Variants in ADGRL3 observed in about 807,000 individuals in gnomAD.
ADGRL3 encodes the protein calcium-independent alpha-latrotoxin receptor 3.
A neutral mutation model predicts 153.5 loss-of-function variants in ADGRL3; 62 were observed. The ratio of observed to expected loss-of-function variants is 0.40; its 90% CI spans 0.33 to 0.50. ADGRL3 has a LOEUF of 0.50. Among genes scored for constraint, ADGRL3 ranks in the 20% least tolerant of loss-of-function variants. The pLI, the probability that ADGRL3 is intolerant of heterozygous loss-of-function variation, is 0.47. For synonymous variants in ADGRL3, 710 were observed against 672.5 expected (o/e 1.06, Z -0.86); for missense variants, 1,641 against 1,859.4 (o/e 0.88, Z 2.16).
intron 1 of ADGRL3, among the ~76,000 whole-genome samples, chr4:61,228,626 G>C (rs781582877): frequency 6.6e-6 from 1 of 152,162 alleles, no homozygotes; most frequent in Non-Finnish European, 1.5e-5. Flanking sequence ...TTGTAAAAGA[G>C]CTTCCTTAGT....
chr4:62,010,314 T>C (rs898113833), intron 21 of ADGRL3, among the ~76,000 whole-genome samples: 1 of 151,952 alleles, frequency 6.6e-6, no homozygotes, highest in African/African-American at 2.4e-5. Context: ...CCACACACCT[T>C]CCCCCTCAAC....
intron 9 of ADGRL3, among the ~76,000 whole-genome samples, chr4:61,847,621 A>T (rs1244088959): frequency 7.7e-5 from 4 of 52,254 alleles, no homozygotes; most frequent in African/African-American, 2.0e-4. Flanking sequence ...TTATATATAT[A>T]ATATAAAATA....
At chr4:61,689,854 A>T (rs566071081) in intron 6 of ADGRL3, among the ~76,000 whole-genome samples, 1 of 152,254 alleles carries the variant, frequency 6.6e-6, no homozygotes, top group African/African-American at 2.4e-5. Context: ...GTCTTTCTTT[A>T]CCTATGATTG....
At chr4:61,361,144 G>A (rs764737623) in intron 1 of ADGRL3, among the ~76,000 whole-genome samples, 18 of 152,258 alleles carry the variant, frequency 1.2e-4, no homozygotes, top group South Asian at 2.1e-4. Context: ...TATCAGCTGC[G>A]TGGGCTTGAA....
At chr4:61,291,593 TATATATATATACACACAC>T (rs1479748628) in intron 1 of ADGRL3, among the ~76,000 whole-genome samples, 1,375 of 12,840 alleles carry the variant, frequency 0.11, 18 homozygotes, top group Admixed American at 0.18. Flanking sequence ...CATATATATA[TATATATATATACACACAC>T]ATATATATAT....
chr4:61,820,994 A>G (rs1352454455), intron 9 of ADGRL3, among the ~76,000 whole-genome samples: 1 of 152,168 alleles, frequency 6.6e-6, no homozygotes, highest in Non-Finnish European at 1.5e-5. Context: ...AGAGGCATAT[A>G]TTATTTGAGG....
At chr4:61,456,493 ATC>A (rs1156554504) in intron 2 of ADGRL3, among the ~76,000 whole-genome samples, 3 of 133,962 alleles carry the variant, frequency 2.2e-5, no homozygotes, top group Admixed American at 8.8e-5. Context: ...ATATAGATAT[ATC>A]TATATCTATA....
At chr4:62,061,363 C>G (rs1740054096) in intron 25 of ADGRL3, among the ~76,000 whole-genome samples, 1 of 151,494 alleles carries the variant, frequency 6.6e-6, no homozygotes, top group Admixed American at 6.6e-5. Flanking sequence ...TCCAGTTTCC[C>G]TCATATCTTG....
rs879549673 is a variant in ADGRL3, at chr4:62,006,800, A to G, written c.3395+8535A>G. On this transcript the variant is annotated intron_variant, in intron 21 of 26. Coordinates refer to ENST00000683033, the MANE Select transcript of ADGRL3 (RefSeq NM_001387552.1). ...GCATAAAGATAGAGCAAACAATTGA[A>G]ATGGTGACTTTCCAGCCAAACTAAT... 2.6e-5 allele frequency among the ~76,000 whole-genome samples: 4 copies of G among 152,112 alleles called. 1 individual carries two copies. Among genetic ancestry groups the G allele is most frequent in the Non-Finnish European group, 5.9e-5 (4 of 68,014 alleles).
chr4:61,239,776 A>G (rs1754209687), intron 1 of ADGRL3, among the ~76,000 whole-genome samples: 1 of 152,146 alleles, frequency 6.6e-6, no homozygotes, highest in South Asian at 2.1e-4. Flanking sequence ...CTTTCAGTGT[A>G]TCACTTTCAT....
chr4:61,718,153 T>G (rs2096162770), intron 6 of ADGRL3, among the ~76,000 whole-genome samples: 1 of 152,166 alleles, frequency 6.6e-6, no homozygotes, highest in Non-Finnish European at 1.5e-5. Flanking sequence ...GTAATTAGAA[T>G]ATTAACCAAA....
chr4:61,614,864 A>C (rs572736101), intron 5 of ADGRL3, among the ~76,000 whole-genome samples: 1 of 152,270 alleles, frequency 6.6e-6, no homozygotes, highest in Non-Finnish European at 1.5e-5. Context: ...TCCAACTAGA[A>C]TATCAGCTCT....
chr4:61,481,037 C>G (rs1460324274), intron 2 of ADGRL3, among the ~76,000 whole-genome samples: 1 of 152,092 alleles, frequency 6.6e-6, no homozygotes, highest in Non-Finnish European at 1.5e-5. Flanking sequence ...TTAAAATGTA[C>G]TTAACACACC....
At chr4:61,933,606 G>T (rs1187316552) in intron 13 of ADGRL3, among the ~76,000 whole-genome samples, 1 of 152,114 alleles carries the variant, frequency 6.6e-6, no homozygotes, top group African/African-American at 2.4e-5. Context: ...CCAAAACTTG[G>T]AATAGCTGGG....
chr4:61,918,256 G>C (rs568170573), intron 13 of ADGRL3, among the ~76,000 whole-genome samples: 1 of 152,182 alleles, frequency 6.6e-6, no homozygotes, highest in African/African-American at 2.4e-5. Flanking sequence ...GGATGAAGTC[G>C]TGGTTTGTTG....
intron 8 of ADGRL3, among the ~76,000 whole-genome samples, chr4:61,735,326 C>CA (rs2096494277): frequency 1.3e-5 from 2 of 152,190 alleles, no homozygotes; most frequent in South Asian, 4.1e-4. Flanking sequence ...CCACAATCAG[C>CA]AATGCTGATA....
intron 18 of ADGRL3, among the ~76,000 whole-genome samples, chr4:61,981,563 C>T (rs2099068532): frequency 1.3e-5 from 2 of 151,958 alleles, no homozygotes; most frequent in African/African-American, 4.8e-5. Flanking sequence ...ACAGCACTAG[C>T]CAACTGTTGG....
chr4:61,655,536 A>G (rs2094420652), intron 5 of ADGRL3, among the ~76,000 whole-genome samples: 1 of 152,178 alleles, frequency 6.6e-6, no homozygotes, highest in African/African-American at 2.4e-5. Context: ...AAACAGAAAT[A>G]CACTTACACT....
At chr4:61,406,978 A>G (rs570117358) in intron 2 of ADGRL3, among the ~76,000 whole-genome samples, 5 of 152,220 alleles carry the variant, frequency 3.3e-5, no homozygotes, top group African/African-American at 1.2e-4. Flanking sequence ...GGTTAGAAAT[A>G]ACAAAATAAA....
Sources: gnomAD v4.1 joint callset for allele counts (sites outside exome capture counted in the v4.1 genomes callset) on GRCh38, gnomAD v4.1.1 for gene constraint, MANE v1.5 for transcripts, NCBI Gene and HGNC (gene_info 2026-07-23, HGNC 2026-07-21) for gene names.